The following EXOC4 variants were observed in gnomAD, a reference collection of about 807,000 sequenced individuals.
EXOC4 encodes exocyst complex component 4, also known as SEC8-like 1.
In EXOC4, 71 loss-of-function variants were observed where a neutral mutation model predicts 107.2. That is an observed-to-expected ratio of 0.66 (90% CI 0.55 to 0.81). The LOEUF is 0.81. EXOC4 is among the 30% of genes least tolerant of loss of function. EXOC4 has a pLI of 0.00. For synonymous variants in EXOC4, 456 were observed against 441.2 expected, an observed-to-expected ratio of 1.03 and a Z score of -0.42; for missense variants, 1,108 against 1,189.6, an observed-to-expected ratio of 0.93 and a Z score of 1.01.
intron 5 of EXOC4, among the ~76,000 whole-genome samples, chr7:133,346,995 TG>T (rs1795797510): frequency 6.6e-6 from 1 of 152,158 alleles, no homozygotes; most frequent in South Asian, 2.1e-4. Context: ...ATGTGTGGTA[TG>T]GCATATATTA....
At chr7:133,326,241 G>A (rs190255316) in intron 5 of EXOC4, among the ~76,000 whole-genome samples, 44 of 152,274 alleles carry the variant, frequency 2.9e-4, no homozygotes, top group South Asian at 1.5e-3. Context: ...GCTTTGTTCC[G>A]TTGCTGGCGA....
intron 10 of EXOC4, among the ~76,000 whole-genome samples, chr7:133,795,407 T>G (rs184068902): frequency 6.6e-6 from 1 of 152,166 alleles, no homozygotes; most frequent in Non-Finnish European, 1.5e-5. Context: ...ATGTTTCAGA[T>G]CCTTTTTAAG....
chr7:133,642,695 C>T (rs895016789), intron 10 of EXOC4, among the ~76,000 whole-genome samples: 1 of 152,140 alleles, frequency 6.6e-6, no homozygotes, highest in Non-Finnish European at 1.5e-5. Context: ...TCACTCCCCT[C>T]CTTCTTTGTG....
intron 10 of EXOC4, among the ~76,000 whole-genome samples, chr7:133,640,226 A>G (rs1802820503): frequency 6.6e-6 from 1 of 152,094 alleles, no homozygotes; most frequent in Non-Finnish European, 1.5e-5. Flanking sequence ...GATAACCATT[A>G]TTGTGAATTC....
intron 5 of EXOC4, among the ~76,000 whole-genome samples, chr7:133,332,773 TCATATA>T (rs1795423994): frequency 6.6e-6 from 1 of 152,194 alleles, no homozygotes; most frequent in Admixed American, 6.5e-5. Flanking sequence ...TGGGAACCTA[TCATATA>T]ACTTGAATGG....
chr7:133,545,862 C>G (rs1198239858), intron 9 of EXOC4, among the ~76,000 whole-genome samples: 1 of 152,212 alleles, frequency 6.6e-6, no homozygotes, highest in African/African-American at 2.4e-5. Flanking sequence ...CATGTTCTCA[C>G]TGAGCCTCCC....
intron 9 of EXOC4, among the ~76,000 whole-genome samples, chr7:133,510,795 C>T (rs564970236): frequency 6.6e-6 from 1 of 152,138 alleles, no homozygotes; most frequent in East Asian, 1.9e-4. Flanking sequence ...TCACTAAGGA[C>T]AGAGTGGTAC....
chr7:133,923,502 A>T (rs1799984726), intron 13 of EXOC4, among the ~76,000 whole-genome samples: 1 of 152,186 alleles, frequency 6.6e-6, no homozygotes, highest in Non-Finnish European at 1.5e-5. Flanking sequence ...TTATCTCTTG[A>T]ACAATGAACT....
intron 10 of EXOC4, among the ~76,000 whole-genome samples, chr7:133,637,694 T>C (rs969964208): frequency 1.3e-5 from 2 of 152,206 alleles, no homozygotes; most frequent in Non-Finnish European, 2.9e-5. Flanking sequence ...AAGTGCTGAG[T>C]GGTTGGTATA....
At chr7:133,980,110 A>G (rs964958430) in intron 14 of EXOC4, among the ~76,000 whole-genome samples, 1 of 152,140 alleles carries the variant, frequency 6.6e-6, no homozygotes, top group Non-Finnish European at 1.5e-5. Flanking sequence ...TAATTTAAAC[A>G]TTGCCAGAAT....
chr7:133,728,150 T>C (rs898341771), intron 10 of EXOC4, among the ~76,000 whole-genome samples: 24 of 152,228 alleles, frequency 1.6e-4, no homozygotes, highest in African/African-American at 5.3e-4. Context: ...TTTATAACTT[T>C]ATCATTAGAC....
chr7:133,834,447 G>A (rs1797875204), intron 11 of EXOC4, among the ~76,000 whole-genome samples: 1 of 152,224 alleles, frequency 6.6e-6, no homozygotes, highest in African/African-American at 2.4e-5. Flanking sequence ...AATGAGGAAA[G>A]GGTATGGGGC....
At chr7:133,784,296 C>T (rs1476908301) in intron 10 of EXOC4, among the ~76,000 whole-genome samples, 1 of 152,044 alleles carries the variant, frequency 6.6e-6, no homozygotes, top group Non-Finnish European at 1.5e-5. Context: ...AAAAATGCAC[C>T]TTTGATATCT....
the EXOC4 span, among the ~76,000 whole-genome samples, chr7:134,083,943 A>G: frequency 4.6e-5 from 7 of 152,250 alleles, no homozygotes; most frequent in South Asian, 2.1e-4. Flanking sequence ...GTGTGGGCCA[A>G]TTTTTCTCTA....
Position 133,483,975 on chromosome 7 carries a change from A to T in EXOC4, c.1417+3837A>T, listed in dbSNP as rs1043686214. 6.4e-6 allele frequency: 10 copies of T among 1,559,270 alleles called. No homozygotes were observed. In the African/African-American group the frequency reaches 1.2e-4, roughly 19 times the overall value. ...GATTTTTGTTTCTTCTGTTAACACC[A>T]TATAGCGGCAGGCTTTGCTTCCCAG... On this transcript the variant is annotated intron_variant, in intron 9 of 17. Transcript: ENST00000253861.
At chr7:133,894,443 T>C (rs955168948) in intron 11 of EXOC4, among the ~76,000 whole-genome samples, 1,733 of 141,970 alleles carry the variant, frequency 0.012, 38 homozygotes, top group African/African-American at 0.046. Flanking sequence ...AAAATCATTC[T>C]CCATCCAGCT....
At chr7:133,454,121 C>A (rs890278585) in intron 7 of EXOC4, among the ~76,000 whole-genome samples, 1 of 152,144 alleles carries the variant, frequency 6.6e-6, no homozygotes, top group African/African-American at 2.4e-5. Flanking sequence ...GCTACTATTA[C>A]AGTTTCACCC....
chr7:133,670,973 T>A (rs1793932009), intron 10 of EXOC4, among the ~76,000 whole-genome samples: 1 of 152,112 alleles, frequency 6.6e-6, no homozygotes, highest in Non-Finnish European at 1.5e-5. Flanking sequence ...CTGCTTGCCA[T>A]AGGGTGCTCA....
At chr7:134,036,489 G>A (rs1795393615) in intron 17 of EXOC4, among the ~76,000 whole-genome samples, 2 of 152,330 alleles carry the variant, frequency 1.3e-5, no homozygotes, top group South Asian at 4.1e-4. Context: ...TCAGGAGGCT[G>A]AGGTGGGAGG....
Sources: allele counts gnomAD v4.1 joint callset (sites outside exome capture counted in the v4.1 genomes callset), GRCh38; gene constraint gnomAD v4.1.1; transcripts MANE v1.5; gene names NCBI Gene and HGNC (gene_info 2026-07-23, HGNC 2026-07-21).